The following SCN1A variants were observed in gnomAD, a reference collection of about 807,000 sequenced individuals.
The protein encoded by SCN1A is sodium voltage-gated channel alpha subunit 1.
A neutral mutation model predicts 193.7 loss-of-function variants in SCN1A; 13 were observed. The ratio of observed to expected loss-of-function variants is 0.07; its 90% CI spans 0.04 to 0.11. The LOEUF is 0.11. Ranked by LOEUF, SCN1A falls within the 10% of genes least tolerant of loss-of-function variation. The pLI is 1.00. For missense variants in SCN1A, 1,432 were observed against 2,451.1 expected (o/e 0.58, Z 8.78); for synonymous variants, 781 against 843.6 (o/e 0.93, Z 1.29).
intron 2 of SCN1A, among the ~76,000 whole-genome samples, chr2:166,078,981 A>G (rs1433879665): frequency 6.6e-6 from 1 of 151,530 alleles, no homozygotes; most frequent in Admixed American, 6.6e-5. Context: ...AGTTCGTACC[A>G]TTTCTGTTTC....
chr2:166,045,420 A>G (rs1335677342), intron 12 of SCN1A, 93 bp from the exon 13 acceptor site: 4 of 1,353,194 alleles, frequency 3.0e-6, no homozygotes, highest in East Asian at 2.3e-5. Context: ...TTTAAAAAAT[A>G]TATTGAACTG....
At chr2:166,088,056 TTG>T (rs10525602) in intron 2 of SCN1A, among the ~76,000 whole-genome samples, 14,124 of 146,260 alleles carry the variant, frequency 0.097, 1,265 homozygotes, top group African/African-American at 0.21. Flanking sequence ...ATCTGTGTGT[TTG>T]TGTGTGTGTG....
intron 19 of SCN1A, 39 bp downstream of exon 19, chr2:166,036,009 T>C (rs773341478): frequency 1.3e-6 from 2 of 1,592,294 alleles, no homozygotes; most frequent in South Asian, 1.1e-5. Flanking sequence ...TGTATATATG[T>C]ATATGTATTC....
intron 1 of SCN1A, among the ~76,000 whole-genome samples, chr2:166,138,731 C>T (rs762826792): frequency 3.3e-5 from 5 of 152,298 alleles, no homozygotes; most frequent in African/African-American, 4.8e-5. Flanking sequence ...TACTAGTGTA[C>T]CACTTGGTGG....
chr2:166,035,406 G>A (rs1696192736), intron 19 of SCN1A, among the ~76,000 whole-genome samples: 1 of 151,940 alleles, frequency 6.6e-6, no homozygotes, highest in Non-Finnish European at 1.5e-5. Context: ...AGTCATTTCC[G>A]AGTTAAATCT....
chr2:166,103,397 G>A (rs1688339443), intron 2 of SCN1A, among the ~76,000 whole-genome samples: 1 of 151,834 alleles, frequency 6.6e-6, no homozygotes, highest in African/African-American at 2.4e-5. Context: ...GTTGCAGTGA[G>A]CCGAGTTCGC....
chr2:166,003,808 G>A (rs1296539980), intron 23 of SCN1A, among the ~76,000 whole-genome samples: 7 of 151,296 alleles, frequency 4.6e-5, no homozygotes, highest in South Asian at 2.1e-4. Flanking sequence ...GGAAGTAGTC[G>A]TCAAAACATC....
At chr2:166,063,152 C>A (rs151201531) in intron 4 of SCN1A, among the ~76,000 whole-genome samples, 205 of 152,172 alleles carry the variant, frequency 1.3e-3, no homozygotes, top group African/African-American at 4.5e-3. Context: ...GCTTTAATTG[C>A]AGTTCTACAA....
chr2:166,067,921 A>T (rs1684022443), intron 4 of SCN1A, among the ~76,000 whole-genome samples: 1 of 152,096 alleles, frequency 6.6e-6, no homozygotes, highest in Admixed American at 6.5e-5. Context: ...CATGTGACCT[A>T]ATTAGACTCA....
In SCN1A at chr2:166,006,666, C is replaced by T. The variant is rs1222040856; in HGVS notation, c.4002+3053G>A. Among the ~76,000 whole-genome samples, 7 of 151,254 alleles carry T rather than the reference C, an allele frequency of 4.6e-5. No individual in the cohort carries two copies. In the Admixed American group the frequency reaches 4.6e-4, roughly 10 times the overall value. ...TCTTAATATATTTTTGCCTTGTTAA[C>T]ATTTTGAAAATAACCCCATATGAAC... On this transcript the variant is annotated intron_variant, in intron 23 of 28. Coordinates refer to ENST00000674923, the MANE Select transcript of SCN1A (RefSeq NM_001165963.4).
In SCN1A at chr2:166,041,344, G is replaced by C. The variant is rs1484260838; in HGVS notation, c.2302C>G (p.Pro768Ala). ...ATGGTGATGGCCAGGTCAACAAATGGGTCCATCACAACCAGGTTGACAACA... is the reference window on the plus strand; with the variant it reads ...ATGGTGATGGCCAGGTCAACAAATGCGTCCATCACAACCAGGTTGACAACA... ...KHVVNLVVMDPFVDLAITICI... is the reference protein window; with the variant it reads ...KHVVNLVVMDAFVDLAITICI... The change falls in exon 16 of 29, where the codon CCA becomes GCA. Residue 768 changes from proline (P) to alanine (A), a missense_variant. By Grantham distance (27) the Pro-to-Ala change is conservative (BLOSUM62 -1). This residue lies in a region of SCN1A where 316 missense variants were observed against 362.1 expected (regional missense o/e 0.87). Coordinates refer to ENST00000674923, the MANE Select transcript of SCN1A (RefSeq NM_001165963.4). The C allele has an allele frequency of 6.2e-7, 1 of 1,612,798 alleles. No homozygotes were observed. Among genetic ancestry groups the C allele is most frequent in the African/African-American group, 1.3e-5 (1 of 74,848 alleles).
chr2:166,097,119 T>C (rs1162014032), intron 2 of SCN1A, among the ~76,000 whole-genome samples: 1 of 151,986 alleles, frequency 6.6e-6, no homozygotes, highest in Non-Finnish European at 1.5e-5. Context: ...TCTCCCAGGT[T>C]CAAGCAATTC....
chr2:165,994,017 CT>C (rs1296412503), intron 28 of SCN1A, 128 bp downstream of exon 28: 16 of 793,058 alleles, frequency 2.0e-5, no homozygotes, highest in Non-Finnish European at 3.2e-5. Flanking sequence ...AACAAACACA[CT>C]TGGATAAAAT....
At chr2:166,015,757 G>A (rs558579941) in intron 19 of SCN1A, 30 bp from the exon 20 acceptor site, 1 of 1,611,604 alleles carries the variant, frequency 6.2e-7, no homozygotes, top group Admixed American at 1.7e-5. Context: ...AGAAAGTAAA[G>A]TCCTTTAATT....
At chr2:166,098,929 T>C (rs10930204) in intron 2 of SCN1A, among the ~76,000 whole-genome samples, 29,975 of 152,166 alleles carry the variant, frequency 0.2, 3,648 homozygotes, top group East Asian at 0.37. Flanking sequence ...AAAATGACTA[T>C]GCCACCCAAA....
At chr2:166,057,544 A>C (rs1699252648) in intron 5 of SCN1A, among the ~76,000 whole-genome samples, 1 of 152,038 alleles carries the variant, frequency 6.6e-6, no homozygotes, top group Admixed American at 6.6e-5. Context: ...TGAAAAAGAA[A>C]GTTTTCATCA....
At chr2:165,994,931 C>G (rs1478141573) in intron 27 of SCN1A, among the ~76,000 whole-genome samples, 2 of 151,864 alleles carry the variant, frequency 1.3e-5, no homozygotes, top group Non-Finnish European at 2.9e-5. Context: ...CCACATATGG[C>G]AATACTCATA....
rs116365327 is a variant in SCN1A at position 166,008,160 on chromosome 2, C to T, written c.4002+1559G>A. Reference sequence around the variant, plus strand: ...AACTAACCTCTTTTAATATAAAAGGCATTATTGATTAATAATTATAGATAT... The same window carrying T: ...AACTAACCTCTTTTAATATAAAAGGTATTATTGATTAATAATTATAGATAT... On this transcript the variant is annotated intron_variant, in intron 23 of 28. Coordinates refer to ENST00000674923, the MANE Select transcript of SCN1A (RefSeq NM_001165963.4). 7.4e-3 allele frequency among the ~76,000 whole-genome samples: 1,125 copies of T among 151,092 alleles called. 21 individuals carry two copies. The highest frequency in any genetic ancestry group is 0.026 in the African/African-American group (1,076 of 41,386).
At chr2:166,140,078 T>G (rs999630178) in intron 1 of SCN1A, among the ~76,000 whole-genome samples, 2 of 152,164 alleles carry the variant, frequency 1.3e-5, no homozygotes, top group Non-Finnish European at 2.9e-5. Context: ...GTTATCTTCA[T>G]GAATTTATAA....
Sources: gnomAD v4.1 joint callset for allele counts (sites outside exome capture counted in the v4.1 genomes callset) on GRCh38, gnomAD v4.1.1 for gene constraint, gnomAD v4.1.1 regional missense constraint, MANE v1.5 for transcripts, NCBI Gene and HGNC (gene_info 2026-07-23, HGNC 2026-07-21) for gene names.